The following PACC1 variants were observed in gnomAD, a reference collection of about 807,000 sequenced individuals.
The protein encoded by PACC1 is proton-activated chloride channel.
In PACC1, 34 loss-of-function variants were observed where a neutral mutation model predicts 39.7. The ratio of observed to expected loss-of-function variants is 0.86; its 90% CI spans 0.65 to 1.14. The LOEUF (loss-of-function observed/expected upper bound fraction) is 1.14, where lower values mean the gene tolerates loss of function less well. Among genes scored for constraint, PACC1 ranks in the 50% most tolerant of loss-of-function variants. The probability of loss-of-function intolerance (pLI) is 0.00; values close to 1 mark genes in which losing one functional copy is unlikely to be tolerated. For missense variants in PACC1, 379 were observed against 436.4 expected (o/e 0.87, Z 1.17); for synonymous variants, 127 against 160.6 (o/e 0.79, Z 1.58).
chr1:212,413,975 G>C, intron 1 of PACC1: 1 of 1,535,872 alleles, frequency 6.5e-7, no homozygotes. Flanking sequence ...AGATGACCAA[G>C]GTTTGGGGGC....
chr1:212,377,542 G>A lies in PACC1; in HGVS notation c.783+20C>T. On this transcript the variant is annotated intron_variant, in intron 6 of 7. Transcript: ENST00000261455. ...GTGGAAAAGTCACCAGCAGTTTCAAGCAAACCCAGAGCCACCTACCTCCTG... is the reference window on the plus strand; with the variant it reads ...GTGGAAAAGTCACCAGCAGTTTCAAACAAACCCAGAGCCACCTACCTCCTG... The A allele has an allele frequency of 6.2e-7, 1 of 1,613,264 alleles. No homozygotes were observed. The highest frequency in any genetic ancestry group is 8.5e-7 in the Non-Finnish European group (1 of 1,179,576).
rs1053970401 is a variant in PACC1 at position 212,386,572 on chromosome 1, T to C, written c.343+319A>G. On this transcript the variant is annotated intron_variant, in intron 3 of 7. Transcript: ENST00000261455. This position sits in a 1 kb window ranked among gnomAD's most constrained non-coding sequence, Gnocchi z 5.0. The stretch of plus-strand genomic sequence containing the variant: ...CTCCCTAGACACCCCTTCGCTCTGC[T>C]GATCCCCATCCCAAAGACACTCTCT... 6.6e-6 allele frequency among the ~76,000 whole-genome samples: 1 copy of C among 152,148 alleles called. No homozygotes were observed. The highest frequency in any genetic ancestry group is 2.4e-5 in the African/African-American group (1 of 41,424).
chr1:212,364,616 G>T lies in PACC1; in HGVS notation c.*599C>A, dbSNP rs1407738978. ...AACAAACATTCTAGCCGGACAAGTA[G>T]GTGGCTACTCAGTCCATTAAGAAAC... On this transcript the variant is annotated 3_prime_UTR_variant, in exon 8 of 8. Coordinates refer to ENST00000261455, the MANE Select transcript of PACC1 (RefSeq NM_018252.3). 6.6e-6 allele frequency: 1 copy of T among 152,588 alleles called. No homozygotes were observed. Among genetic ancestry groups the T allele is most frequent in the Non-Finnish European group, 1.5e-5 (1 of 68,036 alleles). The allele number at this position is 152,588 out of a possible 1,614,324, so 9.5% of individuals were successfully genotyped here. A position where few individuals can be genotyped will look rare whatever the true frequency, so the allele number is the denominator to read the frequency against.
At position 212,364,676 on chromosome 1, in the gene PACC1, T is replaced by C. The variant is rs1488239620; in HGVS notation, c.*539A>G. 6.6e-6 allele frequency: 1 copy of C among 152,636 alleles called. No individual in the cohort carries two copies. The highest frequency in any genetic ancestry group is 1.5e-5 in the Non-Finnish European group (1 of 68,040). 9.5% of individuals were successfully genotyped at this position (152,636 alleles called of 1,614,324 possible). ...AGTTTCTAGTAGCCTTAAAGTCTCA[T>C]TTAACATTTAACAAATCAAAGAGCA... is the stretch of plus-strand genomic sequence containing the variant. On this transcript the variant is annotated 3_prime_UTR_variant, in exon 8 of 8. Coordinates refer to ENST00000261455, the MANE Select transcript of PACC1 (RefSeq NM_018252.3).
At chr1:212,396,198 CAAT>C (rs1326217975) in intron 2 of PACC1, among the ~76,000 whole-genome samples, 1 of 152,176 alleles carries the variant, frequency 6.6e-6, no homozygotes, top group African/African-American at 2.4e-5. Context: ...AAATGTCCAA[CAAT>C]GATAGACTGG....
At position 212,386,943 on chromosome 1, in the gene PACC1, C is replaced by T; in HGVS notation, c.291G>A (p.Lys97=). 5.0e-6 allele frequency: 8 copies of T among 1,614,132 alleles called. No individual in the cohort carries two copies. Among genetic ancestry groups the T allele is most frequent in the Non-Finnish European group, 5.9e-6 (7 of 1,180,016 alleles). ...TGTAAGACACAGACATGACAGGGTG[C>T]TTGAGTTTCTCACGAAAGTCTGTGA... ...RTITDFREKL[K]HPVMSVSYKE... The change falls in exon 3 of 8, where the codon AAG becomes AAA. Residue 97 remains lysine (K), a synonymous_variant. Transcript: ENST00000261455. The surrounding 1 kb of genome is among the most constrained non-coding windows in gnomAD (Gnocchi z 5.0).
At chr1:212,414,256 G>C (rs1662244811) in intron 1 of PACC1, among the ~76,000 whole-genome samples, 1 of 152,226 alleles carries the variant, frequency 6.6e-6, no homozygotes, top group African/African-American at 2.4e-5. Flanking sequence ...CAGCCGCGGG[G>C]ACAGCGAGGC....
At chr1:212,392,300 G>C (rs1231512977) in intron 2 of PACC1, among the ~76,000 whole-genome samples, 1 of 152,200 alleles carries the variant, frequency 6.6e-6, no homozygotes, top group Admixed American at 6.5e-5. Context: ...CATTCTTAAA[G>C]AAAAGAATTT....
intron 2 of PACC1, among the ~76,000 whole-genome samples, chr1:212,400,326 T>A (rs566220130): frequency 7.2e-5 from 11 of 152,336 alleles, no homozygotes; most frequent in Non-Finnish European, 1.2e-4. Context: ...TCTCCCTACA[T>A]GTTCCTGAAA....
At chr1:212,397,241 C>A (rs1365320804) in intron 2 of PACC1, among the ~76,000 whole-genome samples, 4 of 151,788 alleles carry the variant, frequency 2.6e-5, no homozygotes, top group Non-Finnish European at 4.4e-5. Flanking sequence ...TTATAACTTG[C>A]AAGAAAGAAA....
intron 1 of PACC1, among the ~76,000 whole-genome samples, chr1:212,410,732 G>C (rs1270490863): frequency 2.0e-5 from 3 of 152,204 alleles, no homozygotes; most frequent in Non-Finnish European, 4.4e-5. Context: ...GACTACTGTA[G>C]CAAGTACCAC....
At chr1:212,412,592 G>C (rs1265385579) in intron 1 of PACC1, among the ~76,000 whole-genome samples, 1 of 152,240 alleles carries the variant, frequency 6.6e-6, no homozygotes, top group African/African-American at 2.4e-5. Context: ...CTCTGAAGAA[G>C]GCAAGGGGAG....
At chr1:212,410,018 T>C (rs1456123885) in intron 2 of PACC1, 2 of 188,192 alleles carry the variant, frequency 1.1e-5, no homozygotes, top group East Asian at 2.4e-4. Context: ...AGATGCCAAC[T>C]GACTGATGGG....
chr1:212,413,852 C>CA (rs1571689831), intron 1 of PACC1: 1 of 1,505,860 alleles, frequency 6.6e-7, no homozygotes, highest in African/African-American at 1.4e-5. Flanking sequence ...GTATCGCACT[C>CA]AGAGGTTACA....
In PACC1 at chr1:212,386,616, C is replaced by T. The variant is rs546315977; in HGVS notation, c.343+275G>A. ...ACTCTCTTCCCATCTATGTGCTTTTCGAGGCCCATCTCAAATCCTACCTCT... is the reference window on the plus strand; with the variant it reads ...ACTCTCTTCCCATCTATGTGCTTTTTGAGGCCCATCTCAAATCCTACCTCT... On this transcript the variant is annotated intron_variant, in intron 3 of 7. Coordinates refer to ENST00000261455, the MANE Select transcript of PACC1 (RefSeq NM_018252.3). This position sits in a 1 kb window ranked among gnomAD's most constrained non-coding sequence, Gnocchi z 5.0. 2.0e-4 allele frequency among the ~76,000 whole-genome samples: 30 copies of T among 152,282 alleles called. No individual in the cohort carries two copies. Among genetic ancestry groups the T allele is most frequent in the Admixed American group, 1.2e-3 (19 of 15,302 alleles).
chr1:212,393,992 G>A (rs1170832564), intron 2 of PACC1, among the ~76,000 whole-genome samples: 63 of 151,822 alleles, frequency 4.1e-4, no homozygotes, highest in African/African-American at 1.4e-3. Context: ...ATTCACAGCC[G>A]AATTCTACCA....
chr1:212,394,243 T>G lies in PACC1; in HGVS notation c.134-7143A>C, dbSNP rs1437172944. On this transcript the variant is annotated intron_variant, in intron 2 of 7. Coordinates refer to ENST00000261455, the MANE Select transcript of PACC1 (RefSeq NM_018252.3). ...ACATCAAAAAGCTTATCCACCATGA[T>G]CAAGTGGGCTTCATCCCTGGGATGC... Among the ~76,000 whole-genome samples, 7 of 152,300 alleles carry G rather than the reference T, an allele frequency of 4.6e-5. No homozygotes were observed. The East Asian group carries it at 9.6e-4, about 21-fold the overall frequency.
intron 4 of PACC1, among the ~76,000 whole-genome samples, chr1:212,384,910 C>T (rs1406070504): frequency 6.6e-6 from 1 of 152,250 alleles, no homozygotes; most frequent in Non-Finnish European, 1.5e-5. Context: ...CCTAGAAATT[C>T]ATATTTTCAA....
intron 7 of PACC1, among the ~76,000 whole-genome samples, chr1:212,367,863 T>C (rs1660299729): frequency 6.6e-6 from 1 of 152,112 alleles, no homozygotes; most frequent in African/African-American, 2.4e-5. Context: ...TCGGCCACCC[T>C]AGCAGGATGG....
Sources: allele counts gnomAD v4.1 joint callset (sites outside exome capture counted in the v4.1 genomes callset), GRCh38; gene constraint gnomAD v4.1.1; non-coding constraint Gnocchi (gnomAD v3.1); transcripts MANE v1.5; gene names NCBI Gene and HGNC (gene_info 2026-07-23, HGNC 2026-07-21).